Variants in TRABD2B observed in about 807,000 individuals in gnomAD.
TRABD2B encodes the protein metalloprotease TIKI2.
A neutral mutation model predicts 40.1 loss-of-function variants in TRABD2B; 14 were observed. The observed-to-expected ratio is 0.35, with a 90% CI of 0.23 to 0.55. The LOEUF (loss-of-function observed/expected upper bound fraction) is 0.55, where lower values mean the gene tolerates loss of function less well. Among genes scored for constraint, TRABD2B ranks in the 20% least tolerant of loss-of-function variants. The pLI, the probability that TRABD2B is intolerant of heterozygous loss-of-function variation, is 0.90. For synonymous variants in TRABD2B, 263 were observed against 277.0 expected, an observed-to-expected ratio of 0.95 and a Z score of 0.50; for missense variants, 541 against 648.6, an observed-to-expected ratio of 0.83 and a Z score of 1.80.
chr1:47,794,579 C>T lies in TRABD2B; in HGVS notation c.988+7G>A, dbSNP rs1644720212. On this transcript the variant is annotated splice_region_variant and intron_variant, in intron 4 of 6. Transcript: ENST00000606738. ...GCAAACAATCCCTTCCCCACACTGG[C>T]CCAAACCTGCTCCGAAGGCAAAGAA... is the stretch of plus-strand genomic sequence containing the variant. 6.6e-7 allele frequency: 1 copy of T among 1,525,176 alleles called. No individual in the cohort carries two copies. The highest frequency in any genetic ancestry group is 8.8e-7 in the Non-Finnish European group (1 of 1,139,032). The allele number at this position is 1,525,176 out of a possible 1,614,324, so 94.5% of individuals were successfully genotyped here.
At chr1:47,964,319 A>T (rs1313887862) in intron 2 of TRABD2B, among the ~76,000 whole-genome samples, 1 of 152,158 alleles carries the variant, frequency 6.6e-6, no homozygotes, top group Non-Finnish European at 1.5e-5. Flanking sequence ...CCAGACCCAA[A>T]ACCTTGTCCA....
chr1:47,965,929 T>C (rs1645595504), intron 2 of TRABD2B, among the ~76,000 whole-genome samples: 2 of 152,088 alleles, frequency 1.3e-5, no homozygotes, highest in Admixed American at 6.5e-5. Flanking sequence ...AAGAAGAATA[T>C]TTTGCAGCAG....
chr1:47,935,827 C>T (rs769480739), intron 2 of TRABD2B, among the ~76,000 whole-genome samples: 1 of 152,188 alleles, frequency 6.6e-6, no homozygotes, highest in Non-Finnish European at 1.5e-5. Flanking sequence ...CCCAAATATC[C>T]CACTATGTCT....
chr1:47,836,146 T>C (rs184145834), intron 2 of TRABD2B, among the ~76,000 whole-genome samples: 3 of 152,318 alleles, frequency 2.0e-5, no homozygotes, highest in Admixed American at 2.0e-4. Flanking sequence ...TAACTCAAAA[T>C]GCAAGTAGTC....
chr1:47,856,956 G>T (rs1286479928), intron 2 of TRABD2B, among the ~76,000 whole-genome samples: 1 of 152,220 alleles, frequency 6.6e-6, no homozygotes, highest in Non-Finnish European at 1.5e-5. Context: ...GTCACTCAGA[G>T]CTCCTCCACA....
rs544338960 is a variant in TRABD2B at position 47,922,563 on chromosome 1, G to T, written c.666+71471C>A. ...TGCACTCTGGCTTCGCCTGCCACTG[G>T]CTGGGTAAGTATGGGCATCTCCCTG... On this transcript the variant is annotated intron_variant, in intron 2 of 6. Transcript: ENST00000606738. Among the ~76,000 whole-genome samples, 4 of 152,350 alleles carry T rather than the reference G, an allele frequency of 2.6e-5. No individual in the cohort carries two copies. The East Asian group carries it at 7.7e-4, about 29-fold the overall frequency.
At chr1:47,966,005 C>T (rs1645596804) in intron 2 of TRABD2B, among the ~76,000 whole-genome samples, 1 of 152,198 alleles carries the variant, frequency 6.6e-6, no homozygotes, top group South Asian at 2.1e-4. Context: ...CTGCACTCCA[C>T]ATCACAGCCA....
intron 2 of TRABD2B, among the ~76,000 whole-genome samples, chr1:47,890,106 C>G (rs1313275580): frequency 6.6e-6 from 1 of 152,234 alleles, no homozygotes; most frequent in Non-Finnish European, 1.5e-5. Context: ...ATGGATGTCA[C>G]TCTGCTTTGT....
chr1:47,846,895 CAA>C (rs59847403), intron 2 of TRABD2B, among the ~76,000 whole-genome samples: 282 of 143,628 alleles, frequency 2.0e-3, no homozygotes, highest in African/African-American at 7.1e-3. Context: ...CACACACACA[CAA>C]ATGAGGGCTG....
At chr1:47,843,201 G>T (rs1018784061) in intron 2 of TRABD2B, among the ~76,000 whole-genome samples, 10 of 152,138 alleles carry the variant, frequency 6.6e-5, no homozygotes, top group African/African-American at 1.9e-4. Context: ...CCACTGGAGG[G>T]TTTTAAGCCG....
intron 2 of TRABD2B, among the ~76,000 whole-genome samples, chr1:47,969,772 G>T (rs1645654398): frequency 6.6e-6 from 1 of 152,212 alleles, no homozygotes; most frequent in Non-Finnish European, 1.5e-5. Flanking sequence ...CCCTTGCAGA[G>T]CCAGCCCTGG....
intron 2 of TRABD2B, among the ~76,000 whole-genome samples, chr1:47,866,894 C>T (rs1280042933): frequency 6.6e-6 from 1 of 152,212 alleles, no homozygotes; most frequent in Non-Finnish European, 1.5e-5. Flanking sequence ...TAATGGATTT[C>T]AAAGGCCCAG....
rs77865180 is a variant in TRABD2B, at chr1:47,806,413, C to T, written c.667-4794G>A. On this transcript the variant is annotated intron_variant, in intron 2 of 6. Transcript: ENST00000606738. ...TCCCAAGCCTGGTGCTGCTCAGACT[C>T]GAGATGTCTTCTGCTCCTGGCCACC... Among the ~76,000 whole-genome samples the T allele has an allele frequency of 3.1e-3, 470 of 152,276 alleles. 3 individuals carry two copies. Among genetic ancestry groups the T allele is most frequent in the African/African-American group, 0.011 (437 of 41,556 alleles).
chr1:47,948,839 A>T (rs55634821), intron 2 of TRABD2B, among the ~76,000 whole-genome samples: 1 of 151,728 alleles, frequency 6.6e-6, no homozygotes, highest in Non-Finnish European at 1.5e-5. Flanking sequence ...CATCTCTCTC[A>T]CCACCCTCTC....
chr1:47,934,283 T>TA (rs1285965626), intron 2 of TRABD2B, among the ~76,000 whole-genome samples: 12 of 152,330 alleles, frequency 7.9e-5, no homozygotes, highest in Middle Eastern at 3.4e-3. Flanking sequence ...ACCTCACACC[T>TA]ATGCAGGGCC....
At chr1:47,899,224 G>C (rs539597539) in intron 2 of TRABD2B, among the ~76,000 whole-genome samples, 6 of 152,274 alleles carry the variant, frequency 3.9e-5, no homozygotes, top group East Asian at 1.9e-4. Context: ...TTGCCCCACA[G>C]ATCTTGGCAT....
At chr1:47,899,758 G>A (rs1486344953) in intron 2 of TRABD2B, among the ~76,000 whole-genome samples, 2 of 152,156 alleles carry the variant, frequency 1.3e-5, no homozygotes, top group African/African-American at 4.8e-5. Context: ...ATGATAATGA[G>A]CCCTGGTTGT....
chr1:47,829,718 G>A (rs1162682349), intron 2 of TRABD2B, among the ~76,000 whole-genome samples: 1 of 152,138 alleles, frequency 6.6e-6, no homozygotes, highest in Non-Finnish European at 1.5e-5. Context: ...AAGCACCTAT[G>A]GCACATTCAA....
At chr1:47,888,323 G>C (rs1201856151) in intron 2 of TRABD2B, among the ~76,000 whole-genome samples, 1 of 152,180 alleles carries the variant, frequency 6.6e-6, no homozygotes, top group Non-Finnish European at 1.5e-5. Flanking sequence ...TGAAAATAGA[G>C]CAGGGGGCTT....
Sources: allele counts gnomAD v4.1 joint callset (sites outside exome capture counted in the v4.1 genomes callset), GRCh38; gene constraint gnomAD v4.1.1; transcripts MANE v1.5; gene names NCBI Gene and HGNC (gene_info 2026-07-23, HGNC 2026-07-21).